DNMT3A: variants seen among roughly 807,000 people sequenced by gnomAD.
DNMT3A encodes DNA methyltransferase 3 alpha.
DNMT3A carries 267 observed loss-of-function variants against 117.6 expected under a neutral mutation model. The ratio of observed to expected loss-of-function variants is 2.27; its 90% CI spans 2.05 to 2.51. The LOEUF (loss-of-function observed/expected upper bound fraction) is 2.51, where lower values mean the gene tolerates loss of function less well. DNMT3A is among the 30% of genes most tolerant of loss of function. The probability of loss-of-function intolerance (pLI) is 0.00; values close to 1 mark genes in which losing one functional copy is unlikely to be tolerated. For missense variants in DNMT3A, 1,029 were observed against 1,260.2 expected (o/e 0.82, Z 2.78); for synonymous variants, 432 against 474.8 (o/e 0.91, Z 1.17).
chr2:25,263,361 C>G (rs1676769977), intron 6 of DNMT3A, among the ~76,000 whole-genome samples: 1 of 152,134 alleles, frequency 6.6e-6, no homozygotes, highest in Admixed American at 6.5e-5. Context: ...GCAAGCCCCA[C>G]GCTCTGACTG....
chr2:25,340,864 G>A (rs1489436847), intron 1 of DNMT3A, among the ~76,000 whole-genome samples: 2 of 113,714 alleles, frequency 1.8e-5, no homozygotes, highest in African/African-American at 6.5e-5. Flanking sequence ...CCCGCGGCCC[G>A]GGCCCGGGCC....
chr2:25,340,875 C>G (rs1257017857), intron 1 of DNMT3A, among the ~76,000 whole-genome samples: 5 of 142,768 alleles, frequency 3.5e-5, no homozygotes, highest in Admixed American at 6.8e-5. Context: ...GGCCCGGGCC[C>G]GGGATCCTCG....
chr2:25,235,870 C>T, intron 21 of DNMT3A, 45 bp from the exon 22 acceptor site: 1 of 1,526,736 alleles, frequency 6.5e-7, no homozygotes, highest in Non-Finnish European at 9.1e-7. Flanking sequence ...ATTCATTCAC[C>T]AGCCAACACT....
At chr2:25,260,934 C>T (rs1048892739) in intron 6 of DNMT3A, among the ~76,000 whole-genome samples, 1 of 151,956 alleles carries the variant, frequency 6.6e-6, no homozygotes, top group Non-Finnish European at 1.5e-5. Flanking sequence ...TCCAAGGCTG[C>T]AGTGAGCTAC....
intron 6 of DNMT3A, among the ~76,000 whole-genome samples, chr2:25,271,984 CAA>C (rs1231370652): frequency 1.3e-5 from 2 of 152,032 alleles, no homozygotes; most frequent in African/African-American, 4.8e-5. Flanking sequence ...ATGAGTTTTA[CAA>C]AGTCTGTTTT....
At chr2:25,245,788 T>C (rs1157914306) in intron 12 of DNMT3A, among the ~76,000 whole-genome samples, 1 of 152,232 alleles carries the variant, frequency 6.6e-6, no homozygotes, top group Non-Finnish European at 1.5e-5. Flanking sequence ...CAAGAGGGGC[T>C]GCCCTTCTGT....
Position 25,247,321 on chromosome 2 carries a change from C to T in DNMT3A, c.1015-163G>A. 1.2e-6 allele frequency: 1 copy of T among 808,130 alleles called. No individual in the cohort carries two copies. The highest frequency in any genetic ancestry group is 1.8e-5 in the South Asian group (1 of 56,482). The allele number at this position is 808,130 out of a possible 1,614,324, so 50.1% of individuals were successfully genotyped here. On this transcript the variant is annotated intron_variant, in intron 8 of 22. Coordinates refer to ENST00000321117, the MANE Select transcript of DNMT3A (RefSeq NM_022552.5). The surrounding 1 kb of genome is among the most constrained non-coding windows in gnomAD (Gnocchi z 5.6). ...TACCCGATGCAAAGAGGAGTCCAGA[C>T]CAAGAGTAGGGAAGTACCTGAGTGC...
rs138135118 is a variant in DNMT3A at position 25,288,761 on chromosome 2, G to A, written c.178-6050C>T. ...CCAGAACTTTTCCACGATCCCAAAC[G>A]GAAACTGTCTCCATTCAACACTAAC... On this transcript the variant is annotated intron_variant, in intron 3 of 22. Coordinates refer to ENST00000321117, the MANE Select transcript of DNMT3A (RefSeq NM_022552.5). Among the ~76,000 whole-genome samples, 360 of 152,194 alleles carry A rather than the reference G, an allele frequency of 2.4e-3. 3 individuals carry two copies. Among genetic ancestry groups the A allele is most frequent in the African/African-American group, 8.3e-3 (344 of 41,528 alleles).
intron 13 of DNMT3A, 43 bp from the exon 14 acceptor site, chr2:25,244,695 C>G: frequency 6.5e-7 from 1 of 1,541,276 alleles, no homozygotes; most frequent in Non-Finnish European, 9.0e-7. Flanking sequence ...AGGACGGGTC[C>G]CAGGACGGCC....
chr2:25,259,831 C>A (rs776258430), intron 6 of DNMT3A, among the ~76,000 whole-genome samples: 1 of 152,168 alleles, frequency 6.6e-6, no homozygotes, highest in African/African-American at 2.4e-5. Flanking sequence ...AGAGAAGACT[C>A]CAGAGGAGCC....
intron 1 of DNMT3A, 59 bp from the exon 2 acceptor site, chr2:25,314,220 C>T (rs1299042556): frequency 4.3e-6 from 6 of 1,392,028 alleles, no homozygotes; most frequent in Non-Finnish European, 5.6e-6. Context: ...TGGGTCAGGC[C>T]CTCAGCCCAG....
In DNMT3A at chr2:25,234,206, G is replaced by A. The variant is rs1673055571; in HGVS notation, c.*73C>T. 8.5e-6 allele frequency: 13 copies of A among 1,538,246 alleles called. No homozygotes were observed. In the East Asian group the frequency reaches 3.1e-4, roughly 36 times the overall value. ...TTCTCTCCATCCTCATGTTCTTGGTGTTTTATTATGTTTTGTGTTTTTTGT... is the reference window on the plus strand; with the variant it reads ...TTCTCTCCATCCTCATGTTCTTGGTATTTTATTATGTTTTGTGTTTTTTGT... On this transcript the variant is annotated 3_prime_UTR_variant, in exon 23 of 23. Coordinates refer to ENST00000321117, the MANE Select transcript of DNMT3A (RefSeq NM_022552.5). This position sits in a 1 kb window ranked among gnomAD's most constrained non-coding sequence, Gnocchi z 4.5.
chr2:25,342,065 T>G (rs1323085996), upstream of DNMT3A, among the ~76,000 whole-genome samples: 1 of 42,734 alleles, frequency 2.3e-5, no homozygotes, highest in Non-Finnish European at 4.6e-5. The surrounding 1 kb of genome is among the most constrained non-coding windows in gnomAD (Gnocchi z 5.9). Flanking sequence ...CTTCCCTCCC[T>G]CCGGCCGCCC....
upstream of DNMT3A, chr2:25,341,982 C>T (rs2035481661): frequency 4.1e-6 from 4 of 967,522 alleles, no homozygotes; most frequent in Admixed American, 1.3e-4. Context: ...CCTCCCTCCG[C>T]TCGCTGTCGC....
chr2:25,313,120 G>A (rs1332215434), intron 2 of DNMT3A, among the ~76,000 whole-genome samples: 4 of 152,158 alleles, frequency 2.6e-5, no homozygotes, highest in African/African-American at 9.7e-5. Context: ...GGGTTAAGGG[G>A]CAGCTTTTCC....
Position 25,247,851 on chromosome 2 carries a change from C to G in DNMT3A, c.856-102G>C, listed in dbSNP as rs945159910. On this transcript the variant is annotated intron_variant, in intron 7 of 22. Transcript: ENST00000321117. This position sits in a 1 kb window ranked among gnomAD's most constrained non-coding sequence, Gnocchi z 5.6. ...AGCCCTGGGCATCTGGGGGGCAGGA[C>G]AGCCAGGAGGGAGCTCCATCTGAAT... The G allele has an allele frequency of 1.3e-6, 2 of 1,548,040 alleles. No individual in the cohort carries two copies. The highest frequency in any genetic ancestry group is 2.0e-5 in the Admixed American group (1 of 51,218).
intron 3 of DNMT3A, among the ~76,000 whole-genome samples, chr2:25,285,298 C>T (rs1256024783): frequency 6.6e-6 from 1 of 152,256 alleles, no homozygotes; most frequent in African/African-American, 2.4e-5. Flanking sequence ...TCTCAACCCA[C>T]TGTTATTTGG....
rs1672908312 is a variant in DNMT3A at position 25,232,162 on chromosome 2, C to T, written c.*2117G>A. ...GAGCGCCTATCACTGTAGGCCCCATCTTTCTAGGGACGTGGACTTGGGGCC... is the reference window on the plus strand; with the variant it reads ...GAGCGCCTATCACTGTAGGCCCCATTTTTCTAGGGACGTGGACTTGGGGCC... On this transcript the variant is annotated 3_prime_UTR_variant, in exon 23 of 23. Transcript: ENST00000321117. The surrounding 1 kb of genome is among the most constrained non-coding windows in gnomAD (Gnocchi z 4.1). 1 of 152,126 alleles carries T rather than the reference C, an allele frequency of 6.6e-6. No homozygotes were observed. The highest frequency in any genetic ancestry group is 2.4e-5 in the African/African-American group (1 of 41,418). The allele number at this position is 152,126 out of a possible 1,614,324, so 9.4% of individuals were successfully genotyped here. A position where few individuals can be genotyped will look rare whatever the true frequency, so the allele number is the denominator to read the frequency against.
At position 25,247,966 on chromosome 2, in the gene DNMT3A, CA is replaced by C; in HGVS notation, c.855+70del. ...CCCGTGGGAGATGGAGAGAGGAGAGCAGGACGGGAGGAGCTGGCAGTGGAAG... is the reference window on the plus strand; with the variant it reads ...CCCGTGGGAGATGGAGAGAGGAGAGCGGACGGGAGGAGCTGGCAGTGGAAG... On this transcript the variant is annotated intron_variant, in intron 7 of 22. Coordinates refer to ENST00000321117, the MANE Select transcript of DNMT3A (RefSeq NM_022552.5). The surrounding 1 kb of genome is among the most constrained non-coding windows in gnomAD (Gnocchi z 5.6). 1 of 1,599,154 alleles carries C rather than the reference CA, an allele frequency of 6.3e-7. No individual in the cohort carries two copies. The highest frequency in any genetic ancestry group is 1.1e-5 in the South Asian group (1 of 90,128).
Sources: gnomAD v4.1 joint callset for allele counts (sites outside exome capture counted in the v4.1 genomes callset) on GRCh38, gnomAD v4.1.1 for gene constraint, Gnocchi (gnomAD v3.1) non-coding constraint, MANE v1.5 for transcripts, NCBI Gene and HGNC (gene_info 2026-07-23, HGNC 2026-07-21) for gene names.